Variants in SLC10A7 observed in about 807,000 individuals in gnomAD.
SLC10A7 encodes the protein solute carrier family 10 member 7.
A neutral mutation model predicts 43.2 loss-of-function variants in SLC10A7; 29 were observed. That is an observed-to-expected ratio of 0.67 (90% CI 0.50 to 0.92). The LOEUF is 0.92. Among genes scored for constraint, SLC10A7 ranks in the 40% least tolerant of loss-of-function variants. The pLI is 0.00. For synonymous variants in SLC10A7, 152 were observed against 144.8 expected (o/e 1.05, Z -0.35); for missense variants, 295 against 403.2 (o/e 0.73, Z 2.30).
intron 5 of SLC10A7, among the ~76,000 whole-genome samples, chr4:146,370,753 T>G (rs1168578879): frequency 6.6e-6 from 1 of 152,172 alleles, no homozygotes; most frequent in African/African-American, 2.4e-5. Flanking sequence ...ACTTTCTTTG[T>G]CTCTCTTATT....
At position 146,492,019 on chromosome 4, in the gene SLC10A7, C is replaced by A. The variant is rs1008863092; in HGVS notation, c.396+11830G>T. Among the ~76,000 whole-genome samples the A allele has an allele frequency of 5.9e-5, 9 of 152,166 alleles. No homozygotes were observed. In the South Asian group the frequency reaches 1.2e-3, roughly 21 times the overall value. On this transcript the variant is annotated intron_variant, in intron 4 of 11. Transcript: ENST00000335472. ...GATCACGAGGTTAGGAGATTGAGAC[C>A]ATCCTGGCTAACATGGTGAAACCCC... is the stretch of plus-strand genomic sequence containing the variant.
intron 5 of SLC10A7, among the ~76,000 whole-genome samples, chr4:146,382,733 A>G (rs1026642656): frequency 6.6e-6 from 1 of 152,152 alleles, no homozygotes; most frequent in African/African-American, 2.4e-5. Flanking sequence ...AGAGATTAAA[A>G]GTACTCCAAA....
intron 4 of SLC10A7, among the ~76,000 whole-genome samples, chr4:146,490,739 T>C (rs1180945711): frequency 6.6e-6 from 1 of 152,184 alleles, no homozygotes; most frequent in Non-Finnish European, 1.5e-5. Context: ...AAAAAACATA[T>C]GCCCAATCTA....
At chr4:146,321,578 A>G (rs1732710061) in intron 6 of SLC10A7, among the ~76,000 whole-genome samples, 1 of 152,146 alleles carries the variant, frequency 6.6e-6, no homozygotes, top group African/African-American at 2.4e-5. Flanking sequence ...TGAGAAAAAC[A>G]GTACACCTTT....
intron 11 of SLC10A7, among the ~76,000 whole-genome samples, chr4:146,258,053 T>C (rs1267690880): frequency 1.3e-5 from 2 of 152,230 alleles, no homozygotes; most frequent in East Asian, 3.8e-4. Flanking sequence ...TGCTACCACG[T>C]GATATGCACC....
rs1053187257 is a variant in SLC10A7 at position 146,479,275 on chromosome 4, T to A, written c.396+24574A>T. On this transcript the variant is annotated intron_variant, in intron 4 of 11. Coordinates refer to ENST00000335472, the MANE Select transcript of SLC10A7 (RefSeq NM_001029998.6). ...TTTTAGGTTTCAATTATCTTCGTAA[T>A]AATCAAAGCATATAGCTATATTGTG... Among the ~76,000 whole-genome samples, 7 of 152,324 alleles carry A rather than the reference T, an allele frequency of 4.6e-5. No homozygotes were observed. In the East Asian group the frequency reaches 1.3e-3, roughly 29 times the overall value.
At chr4:146,303,371 CTTTCT>C (rs1239877617) in intron 7 of SLC10A7, among the ~76,000 whole-genome samples, 56 of 144,070 alleles carry the variant, frequency 3.9e-4, no homozygotes, top group African/African-American at 1.4e-3. Context: ...ATTTCTTTTT[CTTTCT>C]TTTTTTTTTT....
intron 5 of SLC10A7, among the ~76,000 whole-genome samples, chr4:146,370,302 G>A (rs1183862089): frequency 1.3e-5 from 2 of 152,168 alleles, no homozygotes; most frequent in African/African-American, 4.8e-5. Flanking sequence ...TCCTTCAGAA[G>A]AAAAATTAAT....
intron 2 of SLC10A7, among the ~76,000 whole-genome samples, chr4:146,511,216 T>TA (rs540703790): frequency 5.5e-4 from 83 of 152,174 alleles, no homozygotes; most frequent in Admixed American, 4.6e-4. Flanking sequence ...GTTTAACAAC[T>TA]AAAAAAGGAT....
At chr4:146,302,295 T>A (rs973575763) in intron 7 of SLC10A7, among the ~76,000 whole-genome samples, 1 of 152,218 alleles carries the variant, frequency 6.6e-6, no homozygotes, top group Non-Finnish European at 1.5e-5. Flanking sequence ...TATGCCTCTA[T>A]ACAACAAAGC....
chr4:146,366,086 A>T (rs556457206), intron 5 of SLC10A7, among the ~76,000 whole-genome samples: 1 of 152,308 alleles, frequency 6.6e-6, no homozygotes, highest in South Asian at 2.1e-4. Context: ...ACCCATCTGC[A>T]TTCCCTACCC....
chr4:146,412,928 C>T (rs758988786), intron 5 of SLC10A7, among the ~76,000 whole-genome samples: 1 of 152,050 alleles, frequency 6.6e-6, no homozygotes, highest in Non-Finnish European at 1.5e-5. Flanking sequence ...GGCTGTTCAC[C>T]ACTCCATTTC....
At chr4:146,451,247 A>AC (rs1334288034) in intron 4 of SLC10A7, among the ~76,000 whole-genome samples, 2 of 149,650 alleles carry the variant, frequency 1.3e-5, no homozygotes, top group African/African-American at 4.9e-5. Context: ...AAAAAAAAAA[A>AC]AAACAAAAAA....
At chr4:146,349,500 C>G (rs1211544285) in intron 5 of SLC10A7, among the ~76,000 whole-genome samples, 1 of 152,180 alleles carries the variant, frequency 6.6e-6, no homozygotes, top group Non-Finnish European at 1.5e-5. Context: ...CAGCCAATCC[C>G]ATTACTGGGC....
At chr4:146,504,338 T>A (rs899009550) in intron 3 of SLC10A7, among the ~76,000 whole-genome samples, 3 of 151,792 alleles carry the variant, frequency 2.0e-5, no homozygotes, top group African/African-American at 7.3e-5. Flanking sequence ...GCTAACACAG[T>A]GAAACCCCAT....
intron 2 of SLC10A7, among the ~76,000 whole-genome samples, chr4:146,516,179 G>A (rs545272789): frequency 1.3e-4 from 20 of 151,872 alleles, no homozygotes; most frequent in African/African-American, 4.6e-4. Context: ...ATAAGAACAG[G>A]ATGTTAGAAT....
At chr4:146,356,414 G>A (rs1376571891) in intron 5 of SLC10A7, among the ~76,000 whole-genome samples, 2 of 151,994 alleles carry the variant, frequency 1.3e-5, no homozygotes, top group Non-Finnish European at 2.9e-5. Context: ...GTGTAACTTT[G>A]TCACTCAATT....
chr4:146,338,281 T>C (rs1734025288), intron 5 of SLC10A7, among the ~76,000 whole-genome samples: 2 of 152,006 alleles, frequency 1.3e-5, no homozygotes, highest in Non-Finnish European at 2.9e-5. Context: ...ATGCCTACTG[T>C]GTATATGTCA....
At chr4:146,451,192 C>A (rs1381562134) in intron 4 of SLC10A7, among the ~76,000 whole-genome samples, 1 of 139,420 alleles carries the variant, frequency 7.2e-6, no homozygotes, top group Non-Finnish European at 1.5e-5. Flanking sequence ...CCCGAACAGA[C>A]CAACAGCGAG....
Sources: allele counts gnomAD v4.1 joint callset (sites outside exome capture counted in the v4.1 genomes callset), GRCh38; gene constraint gnomAD v4.1.1; transcripts MANE v1.5; gene names NCBI Gene and HGNC (gene_info 2026-07-23, HGNC 2026-07-21).